The following MAF variants were observed in gnomAD, a reference collection of about 807,000 sequenced individuals.
The protein encoded by MAF is MAF bZIP transcription factor, also known as transcription factor Maf.
In MAF, 10 loss-of-function variants were observed where a neutral mutation model predicts 22.0. That is an observed-to-expected ratio of 0.45 (90% confidence interval 0.28 to 0.77). MAF has a LOEUF of 0.77. Ranked by LOEUF, MAF falls within the 30% of genes least tolerant of loss-of-function variation. The pLI, the probability that MAF is intolerant of heterozygous loss-of-function variation, is 0.12. For missense variants in MAF, 544 were observed against 548.4 expected (o/e 0.99, Z 0.08); for synonymous variants, 337 against 255.8 (o/e 1.32, Z -3.03).
At chr16:79,274,098 G>C in the MAF span, among the ~76,000 whole-genome samples, 1 of 151,936 alleles carries the variant, frequency 6.6e-6, no homozygotes, top group Non-Finnish European at 1.5e-5. Flanking sequence ...TGGATTACAG[G>C]TATGCGCCAC....
the MAF span, among the ~76,000 whole-genome samples, chr16:79,374,575 C>T: frequency 3.3e-5 from 5 of 152,196 alleles, no homozygotes; most frequent in African/African-American, 1.2e-4. Context: ...ATCCATTCAG[C>T]AAGGATTTAT....
At chr16:79,367,064 C>A in the MAF span, among the ~76,000 whole-genome samples, 2 of 152,098 alleles carry the variant, frequency 1.3e-5, no homozygotes, top group Non-Finnish European at 2.9e-5. Flanking sequence ...GAATAATTTA[C>A]CCCTAATCTA....
the MAF span, among the ~76,000 whole-genome samples, chr16:79,554,125 A>C: frequency 1.3e-4 from 9 of 66,720 alleles, no homozygotes; most frequent in South Asian, 4.4e-4. Context: ...AAACAAACAA[A>C]CAAAACCACC....
At chr16:79,554,703 T>G in the MAF span, among the ~76,000 whole-genome samples, 1 of 152,130 alleles carries the variant, frequency 6.6e-6, no homozygotes, top group East Asian at 1.9e-4. Flanking sequence ...CCCAGAATTC[T>G]CAAGATGAGC....
chr16:79,472,937 T>C, the MAF span, among the ~76,000 whole-genome samples: 2 of 152,008 alleles, frequency 1.3e-5, no homozygotes, highest in Admixed American at 1.3e-4. Context: ...CGAGGCCCGG[T>C]ACCATATGGC....
the MAF span, among the ~76,000 whole-genome samples, chr16:79,323,198 C>G: frequency 1.0e-5 from 1 of 96,850 alleles, no homozygotes; most frequent in African/African-American, 3.8e-5. Flanking sequence ...GCAAATGGGG[C>G]ACTAGTGATG....
chr16:79,372,971 G>C, the MAF span, among the ~76,000 whole-genome samples: 4 of 152,118 alleles, frequency 2.6e-5, no homozygotes, highest in African/African-American at 4.8e-5. Flanking sequence ...ATCTCTGCTA[G>C]AGAGTCCTTC....
the MAF span, among the ~76,000 whole-genome samples, chr16:79,335,522 G>C: frequency 6.6e-6 from 1 of 152,198 alleles, no homozygotes; most frequent in African/African-American, 2.4e-5. Flanking sequence ...AAATGGCATG[G>C]GTAGGAACGG....
chr16:79,389,083 G>T, the MAF span, among the ~76,000 whole-genome samples: 1 of 152,168 alleles, frequency 6.6e-6, no homozygotes, highest in Non-Finnish European at 1.5e-5. Context: ...GCATTTGTCT[G>T]GTTGTAGGGG....
At chr16:79,468,647 G>A in the MAF span, among the ~76,000 whole-genome samples, 4 of 152,200 alleles carry the variant, frequency 2.6e-5, no homozygotes, top group Admixed American at 6.5e-5. Flanking sequence ...TGTTGGCATT[G>A]AGGGGCAGTC....
chr16:79,271,217 T>C, the MAF span, among the ~76,000 whole-genome samples: 1 of 152,212 alleles, frequency 6.6e-6, no homozygotes, highest in South Asian at 2.1e-4. Context: ...CACCCAGCCA[T>C]GGCCACAGTT....
chr16:79,394,313 T>C, the MAF span, among the ~76,000 whole-genome samples: 3 of 152,136 alleles, frequency 2.0e-5, no homozygotes, highest in Non-Finnish European at 4.4e-5. Flanking sequence ...GAGTCAGGAA[T>C]ATAGAAATCT....
the MAF span, among the ~76,000 whole-genome samples, chr16:79,326,921 G>A: frequency 2.0e-5 from 3 of 152,208 alleles, no homozygotes; most frequent in South Asian, 2.1e-4. Context: ...AAACGCAGAT[G>A]AAGGATTCCA....
At chr16:79,426,630 G>A in the MAF span, among the ~76,000 whole-genome samples, 113 of 152,230 alleles carry the variant, frequency 7.4e-4, no homozygotes, top group East Asian at 0.021. Context: ...CAGATTCCCC[G>A]AACCAACATT....
chr16:79,474,159 T>C, the MAF span, among the ~76,000 whole-genome samples: 1 of 152,104 alleles, frequency 6.6e-6, no homozygotes, highest in Non-Finnish European at 1.5e-5. Context: ...TAACCTAGAA[T>C]TATTTGTGGT....
the MAF span, among the ~76,000 whole-genome samples, chr16:79,320,575 C>G: frequency 6.6e-6 from 1 of 152,190 alleles, no homozygotes; most frequent in Non-Finnish European, 1.5e-5. Flanking sequence ...AACGTTGTCT[C>G]TCGAGAAGGA....
chr16:79,499,043 G>A, the MAF span, among the ~76,000 whole-genome samples: 1 of 152,148 alleles, frequency 6.6e-6, no homozygotes, highest in Admixed American at 6.5e-5. Context: ...GATAGACAAG[G>A]TAGCACAGAC....
chr16:79,437,140 C>CTGTG, the MAF span, among the ~76,000 whole-genome samples: 198 of 25,986 alleles, frequency 7.6e-3, 1 homozygote, highest in Middle Eastern at 0.026. Flanking sequence ...AAAGCTCTCT[C>CTGTG]TCTCTCTGTG....
the MAF span, among the ~76,000 whole-genome samples, chr16:79,240,045 G>A: frequency 6.6e-6 from 1 of 151,892 alleles, no homozygotes; most frequent in Non-Finnish European, 1.5e-5. Context: ...TGGGCACATG[G>A]CTTCCCTTCT....
Sources: gnomAD v4.1 joint callset for allele counts (sites outside exome capture counted in the v4.1 genomes callset) on GRCh38, gnomAD v4.1.1 for gene constraint, MANE v1.5 for transcripts, NCBI Gene and HGNC (gene_info 2026-07-23, HGNC 2026-07-21) for gene names.